The following INSL6 variants were observed in gnomAD, a reference collection of about 807,000 sequenced individuals.
INSL6 encodes insulin like 6.
In INSL6, 16 loss-of-function variants were observed where a neutral mutation model predicts 9.4. The ratio of observed to expected loss-of-function variants is 1.70; its 90% confidence interval spans 1.15 to 2.59. The LOEUF is 2.59. INSL6 is among the 30% of genes most tolerant of loss of function. The probability of loss-of-function intolerance (pLI) is 0.00; values close to 1 mark genes in which losing one functional copy is unlikely to be tolerated. For missense variants in INSL6, 391 were observed against 257.3 expected, an observed-to-expected ratio of 1.52 and a Z score of -3.56; for synonymous variants, 154 against 96.9, an observed-to-expected ratio of 1.59 and a Z score of -3.46.
chr9:5,077,624 A>C, the INSL6 span: 1 of 1,215,624 alleles, frequency 8.2e-7, no homozygotes, highest in Non-Finnish European at 1.1e-6. Flanking sequence ...ATTTTATTTT[A>C]TAAAACAATA....
chr9:5,151,588 A>C (rs1048698207), intron 2 of INSL6, among the ~76,000 whole-genome samples: 6 of 152,144 alleles, frequency 3.9e-5, no homozygotes, highest in African/African-American at 1.4e-4. Context: ...CATTATTTGA[A>C]GTTAGTCCGT....
At chr9:5,029,711 CAAATTATAGGTGCTATGTAA>C in the INSL6 span, 1 of 1,348,178 alleles carries the variant, frequency 7.4e-7, no homozygotes. Context: ...AGCTTCATTT[CAAATTATAGGTGCTATGTAA>C]AAATATTCTG....
the INSL6 span, among the ~76,000 whole-genome samples, chr9:5,106,026 C>T: frequency 1.3e-5 from 2 of 152,112 alleles, no homozygotes; most frequent in African/African-American, 4.8e-5. Context: ...GATGAAAACG[C>T]CAGAAACAAA....
At chr9:5,068,480 A>C in the INSL6 span, among the ~76,000 whole-genome samples, 1 of 152,254 alleles carries the variant, frequency 6.6e-6, no homozygotes, top group Non-Finnish European at 1.5e-5. Context: ...AAACAGTGGT[A>C]CTTGAACTGA....
At chr9:4,996,038 A>C in the INSL6 span, among the ~76,000 whole-genome samples, 8 of 152,192 alleles carry the variant, frequency 5.3e-5, no homozygotes, top group Non-Finnish European at 1.0e-4. Context: ...AATCCATAGG[A>C]TAGGTCAAGT....
the INSL6 span, among the ~76,000 whole-genome samples, chr9:5,026,746 A>G: frequency 1.3e-5 from 2 of 152,096 alleles, no homozygotes; most frequent in African/African-American, 4.8e-5. Context: ...TGAATGTTCT[A>G]TATATGCTTG....
chr9:5,140,654 T>C (rs1203504883), intron 2 of INSL6, among the ~76,000 whole-genome samples: 1 of 152,106 alleles, frequency 6.6e-6, no homozygotes, highest in Non-Finnish European at 1.5e-5. Context: ...CATCCCAGAC[T>C]GTCACCAGTG....
the INSL6 span, among the ~76,000 whole-genome samples, chr9:5,008,774 TA>T: frequency 1.3e-5 from 2 of 152,240 alleles, no homozygotes; most frequent in Non-Finnish European, 2.9e-5. Context: ...CCAGCATCTT[TA>T]ACACCAATAA....
At chr9:5,075,428 CATTG>C in the INSL6 span, among the ~76,000 whole-genome samples, 192 of 152,302 alleles carry the variant, frequency 1.3e-3, no homozygotes, top group Middle Eastern at 3.4e-3. Context: ...GGGCCAATGC[CATTG>C]GTGATTTGAA....
At chr9:5,136,359 C>T (rs536194993) in intron 2 of INSL6, among the ~76,000 whole-genome samples, 7 of 152,126 alleles carry the variant, frequency 4.6e-5, no homozygotes, top group Admixed American at 2.0e-4. Flanking sequence ...AACACTGATG[C>T]GAAAATCCTC....
At chr9:5,130,601 C>T (rs1812721318) in intron 3 of INSL6, among the ~76,000 whole-genome samples, 1 of 152,048 alleles carries the variant, frequency 6.6e-6, no homozygotes, top group South Asian at 2.1e-4. Context: ...AGGTGCTTTT[C>T]ATACACAGAT....
At chr9:5,177,205 G>C (rs539132067) in intron 1 of INSL6, among the ~76,000 whole-genome samples, 2 of 152,186 alleles carry the variant, frequency 1.3e-5, no homozygotes, top group Non-Finnish European at 2.9e-5. Context: ...GGACTGACTA[G>C]GCAAACAACT....
chr9:5,122,890 G>C (rs561688174), downstream of INSL6: 1 of 647,410 alleles, frequency 1.5e-6, no homozygotes, highest in Non-Finnish European at 2.6e-6. Context: ...GGCCTGCTGT[G>C]ATAACTCTTT....
At position 5,163,982 on chromosome 9, in the gene INSL6, T is replaced by C. The variant is rs201668454; in HGVS notation, c.573A>G (p.Ala191=). The stretch of plus-strand genomic sequence containing the variant: ...TTTTAAAATCAATATATGGAAGACA[T>C]GCAATGCTAAGTTCTTCTTTTGTAC... The part of the protein sequence containing the change: ...TGCTKEELSI[A]CLPYIDFKRL... The change falls in exon 2 of 2, where the codon GCA becomes GCG. Residue 191 remains alanine, a synonymous_variant. Transcript: ENST00000381641. 4 of 1,612,504 alleles carry C rather than the reference T, an allele frequency of 2.5e-6. No homozygotes were observed. Among genetic ancestry groups the C allele is most frequent in the East Asian group, 2.2e-5 (1 of 44,800 alleles).
the INSL6 span, among the ~76,000 whole-genome samples, chr9:5,036,694 C>T: frequency 1.3e-5 from 2 of 152,138 alleles, no homozygotes; most frequent in African/African-American, 4.8e-5. Flanking sequence ...TTCCTTACAC[C>T]TTATACAAAA....
downstream of INSL6, among the ~76,000 whole-genome samples, chr9:5,119,410 C>A (rs1823447326): frequency 6.6e-6 from 1 of 151,264 alleles, no homozygotes; most frequent in Non-Finnish European, 1.5e-5. Flanking sequence ...ATTTTGTATT[C>A]TTTGTCATAA....
the INSL6 span, among the ~76,000 whole-genome samples, chr9:5,012,590 C>T: frequency 2.0e-5 from 3 of 151,952 alleles, no homozygotes; most frequent in African/African-American, 2.4e-5. Flanking sequence ...GAAATTATAC[C>T]GTATGTATAA....
intron 2 of INSL6, among the ~76,000 whole-genome samples, chr9:5,142,514 G>A (rs1407701970): frequency 6.6e-6 from 1 of 152,184 alleles, no homozygotes; most frequent in African/African-American, 2.4e-5. Context: ...GTGTTGTTAA[G>A]TGTACTGAAA....
At chr9:5,047,839 G>A in the INSL6 span, among the ~76,000 whole-genome samples, 1 of 152,012 alleles carries the variant, frequency 6.6e-6, no homozygotes, top group Non-Finnish European at 1.5e-5. Flanking sequence ...GGCTTCAAAT[G>A]ATCCTCCTAC....
Sources: gnomAD v4.1 joint callset for allele counts (sites outside exome capture counted in the v4.1 genomes callset) on GRCh38, gnomAD v4.1.1 for gene constraint, MANE v1.5 for transcripts, NCBI Gene and HGNC (gene_info 2026-07-23, HGNC 2026-07-21) for gene names.